CSMD1: variants seen among roughly 807,000 people sequenced by gnomAD.
CSMD1 encodes the protein CUB and sushi domain-containing protein 1.
In CSMD1, 213 loss-of-function variants were observed where a neutral mutation model predicts 417.5. That is an observed-to-expected ratio of 0.51 (90% CI 0.46 to 0.57). CSMD1 has a LOEUF of 0.57. CSMD1 is among the 20% of genes least tolerant of loss of function. The pLI, the probability that CSMD1 is intolerant of heterozygous loss-of-function variation, is 0.00. For missense variants in CSMD1, 6,923 were observed against 4,529.7 expected (o/e 1.53, Z -15.17); for synonymous variants, 2,862 against 1,736.8 (o/e 1.65, Z -16.11).
intron 26 of CSMD1, among the ~76,000 whole-genome samples, chr8:3,238,416 C>G (rs188711852): frequency 1.3e-5 from 2 of 151,948 alleles, no homozygotes; most frequent in Non-Finnish European, 2.9e-5. Context: ...GTCCTGTTTT[C>G]TTATATTAAT....
chr8:3,087,690 AC>A (rs1466326994), intron 48 of CSMD1, among the ~76,000 whole-genome samples: 5 of 152,248 alleles, frequency 3.3e-5, no homozygotes, highest in Admixed American at 3.3e-4. Flanking sequence ...AAGAAAGTTT[AC>A]AAATCTGTGT....
intron 51 of CSMD1, among the ~76,000 whole-genome samples, chr8:3,021,948 C>T (rs74612718): frequency 0.13 from 19,829 of 148,378 alleles, 1,487 homozygotes; most frequent in East Asian, 0.25. Context: ...AAAGCACCTG[C>T]GATCCCACAG....
intron 1 of CSMD1, among the ~76,000 whole-genome samples, chr8:4,756,760 CT>C (rs1811693218): frequency 6.6e-6 from 1 of 152,112 alleles, no homozygotes. Flanking sequence ...TAGCAGCTTC[CT>C]GGGAGTCATC....
intron 2 of CSMD1, among the ~76,000 whole-genome samples, chr8:4,540,442 C>G (rs116265727): frequency 6.6e-6 from 1 of 152,082 alleles, no homozygotes; most frequent in Non-Finnish European, 1.5e-5. Context: ...GTGGCTCATG[C>G]CTGTAATTCC....
intron 6 of CSMD1, among the ~76,000 whole-genome samples, chr8:3,708,902 G>A (rs6994482): frequency 1.2e-3 from 179 of 152,218 alleles, no homozygotes; most frequent in African/African-American, 4.2e-3. Flanking sequence ...TAGATAAAAA[G>A]GCCAGTTGCT....
chr8:3,999,784 G>A (rs1359040847), intron 4 of CSMD1, among the ~76,000 whole-genome samples: 2 of 152,108 alleles, frequency 1.3e-5, no homozygotes, highest in Non-Finnish European at 1.5e-5. Flanking sequence ...AAGTATGAAC[G>A]AAATCAAGAC....
chr8:3,957,725 G>GAAAAGAAACGTAGAAAAGAAAAAAA (rs200525108), intron 5 of CSMD1, among the ~76,000 whole-genome samples: 1 of 151,202 alleles, frequency 6.6e-6, no homozygotes. Context: ...AAAAGAAAAA[G>GAAAAGAAACGTAGAAAAGAAAAAAA]GAAAAGAAAT....
chr8:4,575,086 C>G (rs1192242075), intron 2 of CSMD1, among the ~76,000 whole-genome samples: 2 of 152,102 alleles, frequency 1.3e-5, no homozygotes, highest in African/African-American at 2.4e-5. Flanking sequence ...TAGAATCCAG[C>G]CAAAATGCAC....
At chr8:3,591,785 A>G (rs1181881638) in intron 8 of CSMD1, among the ~76,000 whole-genome samples, 9 of 149,950 alleles carry the variant, frequency 6.0e-5, no homozygotes, top group Non-Finnish European at 9.0e-5. Flanking sequence ...GGATGGATGG[A>G]TAGATGGAAA....
chr8:3,284,105 T>C (rs1584928036), intron 26 of CSMD1, 39 bp downstream of exon 26: 1 of 1,451,060 alleles, frequency 6.9e-7, no homozygotes, highest in Admixed American at 2.0e-5. Flanking sequence ...GACAAGACTT[T>C]GATATCAAGG....
chr8:4,789,254 G>T (rs1377236219), intron 1 of CSMD1, among the ~76,000 whole-genome samples: 2 of 152,182 alleles, frequency 1.3e-5, no homozygotes, highest in Admixed American at 6.5e-5. Flanking sequence ...TCTCATCTAT[G>T]AAGATGATCT....
In CSMD1 at chr8:3,456,072, C is replaced by G. The variant is rs190254116; in HGVS notation, c.1561+12640G>C. Among the ~76,000 whole-genome samples, 350 of 152,310 alleles carry G rather than the reference C, an allele frequency of 2.3e-3. 3 individuals are homozygous for G. Among genetic ancestry groups the G allele is most frequent in the African/African-American group, 8.0e-3 (332 of 41,568 alleles). On this transcript the variant is annotated intron_variant, in intron 12 of 69. Transcript: ENST00000635120. ...ATTTGATCTGAGACTGCTGTCTCAG[C>G]AATGAGCAAGCCTTCATGGGCGTAG... is the stretch of plus-strand genomic sequence containing the variant.
intron 52 of CSMD1, among the ~76,000 whole-genome samples, chr8:3,008,507 G>A (rs1375021868): frequency 1.3e-5 from 2 of 152,186 alleles, no homozygotes; most frequent in African/African-American, 4.8e-5. Context: ...AGGTCTTTTA[G>A]TGTAAGTTAT....
Position 4,980,423 on chromosome 8 carries a change from G to T in CSMD1, c.85+13909C>A, listed in dbSNP as rs141109941. Among the ~76,000 whole-genome samples, 797 of 152,314 alleles carry T rather than the reference G, an allele frequency of 5.2e-3. 7 individuals are homozygous for T. The highest frequency in any genetic ancestry group is 0.018 in the African/African-American group (760 of 41,572). ...AGGCAGGTCTGGTCTTGTGTGTGTGGGAAGGAAGGAGTTTGTCAGGCGAGG... is the reference window on the plus strand; with the variant it reads ...AGGCAGGTCTGGTCTTGTGTGTGTGTGAAGGAAGGAGTTTGTCAGGCGAGG... On this transcript the variant is annotated intron_variant, in intron 1 of 69. Transcript: ENST00000635120.
chr8:4,283,788 A>C (rs892305342), intron 3 of CSMD1, among the ~76,000 whole-genome samples: 1 of 3,620 alleles, frequency 2.8e-4, no homozygotes, highest in Non-Finnish European at 3.9e-3. Flanking sequence ...AAGGAGAATA[A>C]AAAAAAAAAT....
At chr8:3,474,465 T>C (rs1360794157) in intron 11 of CSMD1, among the ~76,000 whole-genome samples, 1 of 152,138 alleles carries the variant, frequency 6.6e-6, no homozygotes, top group African/African-American at 2.4e-5. Flanking sequence ...ATGTCACTCA[T>C]CCATCCACCA....
chr8:3,809,718 T>A (rs560722141), intron 5 of CSMD1, among the ~76,000 whole-genome samples: 2 of 152,144 alleles, frequency 1.3e-5, no homozygotes, highest in African/African-American at 4.8e-5. Flanking sequence ...CACGAATCTA[T>A]AGGTCTTCAA....
intron 10 of CSMD1, among the ~76,000 whole-genome samples, chr8:3,546,236 T>G (rs1305599874): frequency 6.6e-6 from 1 of 151,632 alleles, no homozygotes; most frequent in African/African-American, 2.4e-5. Context: ...GATAGTGCCC[T>G]CAATGGCTGG....
At chr8:4,283,008 T>C (rs956345028) in intron 3 of CSMD1, among the ~76,000 whole-genome samples, 5 of 152,184 alleles carry the variant, frequency 3.3e-5, no homozygotes, top group Admixed American at 6.5e-5. Flanking sequence ...TCTGCCTGCA[T>C]TGTATCCCTT....
Sources: allele counts gnomAD v4.1 joint callset (sites outside exome capture counted in the v4.1 genomes callset), GRCh38; gene constraint gnomAD v4.1.1; transcripts MANE v1.5; gene names NCBI Gene and HGNC (gene_info 2026-07-23, HGNC 2026-07-21).